The following ASTN2 variants were observed in gnomAD, a reference collection of about 807,000 sequenced individuals.
ASTN2 encodes astrotactin-2.
A neutral mutation model predicts 139.8 loss-of-function variants in ASTN2; 54 were observed. The ratio of observed to expected loss-of-function variants is 0.39; its 90% CI spans 0.31 to 0.48. The LOEUF (loss-of-function observed/expected upper bound fraction) is 0.48, where lower values mean the gene tolerates loss of function less well. Among genes scored for constraint, ASTN2 ranks in the 20% least tolerant of loss-of-function variants. ASTN2 has a pLI of 0.95. For synonymous variants in ASTN2, 756 were observed against 719.5 expected, an observed-to-expected ratio of 1.05 and a Z score of -0.81; for missense variants, 1,565 against 1,725.1, an observed-to-expected ratio of 0.91 and a Z score of 1.64.
At chr9:116,973,563 G>A (rs776554160) in intron 10 of ASTN2, among the ~76,000 whole-genome samples, 1 of 152,198 alleles carries the variant, frequency 6.6e-6, no homozygotes, top group Non-Finnish European at 1.5e-5. Flanking sequence ...GAACTATGAG[G>A]AAAGCTAGTC....
intron 19 of ASTN2, among the ~76,000 whole-genome samples, chr9:116,510,415 A>G (rs1297698872): frequency 3.3e-5 from 5 of 152,122 alleles, no homozygotes; most frequent in Non-Finnish European, 1.5e-5. Context: ...GCCTTGTAGT[A>G]TAGTTTGAAA....
At chr9:116,934,424 C>T (rs1039787553) in intron 10 of ASTN2, among the ~76,000 whole-genome samples, 4 of 152,108 alleles carry the variant, frequency 2.6e-5, no homozygotes, top group Admixed American at 1.3e-4. Context: ...CAAGTAAGCC[C>T]GGAAGCATAA....
chr9:117,154,846 A>T (rs1280395280), intron 3 of ASTN2, among the ~76,000 whole-genome samples: 4 of 152,010 alleles, frequency 2.6e-5, no homozygotes, highest in Non-Finnish European at 5.9e-5. Context: ...GATATATATA[A>T]TAAGGATTTA....
rs201699733 is a variant in ASTN2 at position 116,501,712 on chromosome 9, G to C, written c.3356-14212C>G. 1.1e-3 allele frequency among the ~76,000 whole-genome samples: 173 copies of C among 151,540 alleles called. 5 individuals carry two copies. In the East Asian group the frequency reaches 0.026, roughly 23 times the overall value. On this transcript the variant is annotated intron_variant, in intron 19 of 22. Coordinates refer to ENST00000313400, the MANE Select transcript of ASTN2 (RefSeq NM_001365068.1). ...CTCTGGGGACTGTTGTGGGGTGGGGGCAGGGGGGAGGGATAGCACTGGGAG... is the reference window on the plus strand; with the variant it reads ...CTCTGGGGACTGTTGTGGGGTGGGGCCAGGGGGGAGGGATAGCACTGGGAG...
intron 19 of ASTN2, among the ~76,000 whole-genome samples, chr9:116,530,715 T>C (rs1312254482): frequency 4.6e-5 from 7 of 152,162 alleles, no homozygotes; most frequent in African/African-American, 1.7e-4. Flanking sequence ...CAGAAGACTC[T>C]TCAATATGAG....
chr9:117,259,568 C>A (rs966496990), intron 2 of ASTN2, among the ~76,000 whole-genome samples: 4 of 152,158 alleles, frequency 2.6e-5, no homozygotes, highest in African/African-American at 9.7e-5. Flanking sequence ...CATTATAAAA[C>A]CTTGGTCATC....
At chr9:116,502,797 G>A (rs1338712724) in intron 19 of ASTN2, among the ~76,000 whole-genome samples, 1 of 147,382 alleles carries the variant, frequency 6.8e-6, no homozygotes, top group East Asian at 2.0e-4. Context: ...AAAGAAAAAA[G>A]GAAGGAGGTA....
At chr9:116,534,350 T>C (rs1029642740) in intron 19 of ASTN2, among the ~76,000 whole-genome samples, 14 of 152,202 alleles carry the variant, frequency 9.2e-5, no homozygotes, top group Admixed American at 6.5e-5. Context: ...GTTTTTTGTG[T>C]CTCTATTTCC....
intron 3 of ASTN2, among the ~76,000 whole-genome samples, chr9:117,212,390 A>G (rs1281279459): frequency 2.0e-5 from 3 of 152,024 alleles, no homozygotes; most frequent in Non-Finnish European, 4.4e-5. Context: ...CAGGCAAAGA[A>G]AAAAAAAGCA....
At chr9:116,679,768 T>C (rs1859729114) in intron 16 of ASTN2, among the ~76,000 whole-genome samples, 1 of 152,172 alleles carries the variant, frequency 6.6e-6, no homozygotes, top group Non-Finnish European at 1.5e-5. Context: ...TGCTCCTGAA[T>C]GACTACTGGG....
intron 19 of ASTN2, among the ~76,000 whole-genome samples, chr9:116,490,068 T>C (rs1849465331): frequency 1.3e-5 from 2 of 151,926 alleles, no homozygotes; most frequent in African/African-American, 4.8e-5. Flanking sequence ...GCCAAGGGTC[T>C]AGAAAGAAAC....
chr9:116,534,611 G>A (rs1480973661), intron 19 of ASTN2, among the ~76,000 whole-genome samples: 2 of 152,006 alleles, frequency 1.3e-5, no homozygotes, highest in South Asian at 2.1e-4. Flanking sequence ...CCTTCATTTC[G>A]TTATGTACCC....
intron 2 of ASTN2, among the ~76,000 whole-genome samples, chr9:117,261,824 C>A (rs992110394): frequency 5.9e-5 from 9 of 152,108 alleles, no homozygotes; most frequent in Non-Finnish European, 1.2e-4. Flanking sequence ...AGTCTCATAC[C>A]TTTTGCTTTT....
intron 1 of ASTN2, among the ~76,000 whole-genome samples, chr9:117,296,277 C>CAAAAAAAAAAAAAAAAAAA (rs5900277): frequency 2.8e-5 from 2 of 71,004 alleles, no homozygotes; most frequent in African/African-American, 1.2e-4. Context: ...GACTGCATCT[C>CAAAAAAAAAAAAAAAAAAA]AAAAAAAAAA....
chr9:117,209,196 C>G (rs1832038109), intron 3 of ASTN2, among the ~76,000 whole-genome samples: 2 of 152,048 alleles, frequency 1.3e-5, no homozygotes. Flanking sequence ...GATTAGTTCC[C>G]ACCTATCAAC....
intron 11 of ASTN2, among the ~76,000 whole-genome samples, chr9:116,848,881 A>G (rs1250000735): frequency 1.3e-5 from 2 of 152,204 alleles, no homozygotes; most frequent in African/African-American, 4.8e-5. Flanking sequence ...TTGAGTACTC[A>G]GTCCCATAAG....
chr9:117,406,468 G>T (rs1004939155), intron 1 of ASTN2, among the ~76,000 whole-genome samples: 1 of 152,024 alleles, frequency 6.6e-6, no homozygotes, highest in African/African-American at 2.4e-5. Flanking sequence ...CTTCTCTGAC[G>T]TCTTGTCCTG....
rs139002294 is a variant in ASTN2 at position 117,275,112 on chromosome 9, A to G, written c.630+16214T>C. On this transcript the variant is annotated intron_variant, in intron 2 of 22. Transcript: ENST00000313400. ...GTATATCAAAGACTGCCTTTCCTCT[A>G]TTCTCCAATATCATCTTCCTCATTT... Among the ~76,000 whole-genome samples, 4 of 152,230 alleles carry G rather than the reference A, an allele frequency of 2.6e-5. No homozygotes were observed. In the East Asian group the frequency reaches 7.7e-4, roughly 29 times the overall value.
intron 19 of ASTN2, among the ~76,000 whole-genome samples, chr9:116,566,131 A>T (rs555713439): frequency 6.6e-6 from 1 of 152,200 alleles, no homozygotes; most frequent in Non-Finnish European, 1.5e-5. Context: ...CAATAAATGC[A>T]TCTAATTCCT....
Sources: allele counts gnomAD v4.1 joint callset (sites outside exome capture counted in the v4.1 genomes callset), GRCh38; gene constraint gnomAD v4.1.1; transcripts MANE v1.5; gene names NCBI Gene and HGNC (gene_info 2026-07-23, HGNC 2026-07-21).